AP4E1: variants seen among roughly 807,000 people sequenced by gnomAD.
The protein encoded by AP4E1 is adaptor related protein complex 4 subunit epsilon 1, also known as AP-4 complex subunit epsilon-1.
Under a neutral mutation model 128.2 loss-of-function variants are expected in AP4E1, and 56 were observed. The observed-to-expected ratio is 0.44, with a 90% CI of 0.35 to 0.55. AP4E1 has a LOEUF of 0.55. AP4E1 is among the 20% of genes least tolerant of loss of function. The pLI is 0.00. For missense variants in AP4E1, 1,324 were observed against 1,307.7 expected (o/e 1.01, Z -0.19); for synonymous variants, 484 against 473.1 (o/e 1.02, Z -0.30).
chr15:50,977,176 G>A (rs974448543), intron 15 of AP4E1, among the ~76,000 whole-genome samples: 28 of 152,164 alleles, frequency 1.8e-4, no homozygotes, highest in African/African-American at 6.8e-4. Flanking sequence ...GGTTTCCACA[G>A]TGGGAGGTAT....
chr15:50,982,491 T>C (rs2064657470), intron 15 of AP4E1, among the ~76,000 whole-genome samples: 2 of 152,216 alleles, frequency 1.3e-5, no homozygotes, highest in African/African-American at 4.8e-5. Context: ...TCTGAATCTC[T>C]GTAAGCTTGG....
intron 13 of AP4E1, among the ~76,000 whole-genome samples, chr15:50,952,213 C>G (rs1350174535): frequency 1.3e-5 from 2 of 151,856 alleles, no homozygotes; most frequent in Non-Finnish European, 2.9e-5. Context: ...GTTGTCATAC[C>G]CAAGAGGTGT....
intron 13 of AP4E1, 47 bp from the exon 14 acceptor site, chr15:50,958,445 G>T (rs989707231): frequency 5.9e-6 from 9 of 1,514,202 alleles, no homozygotes; most frequent in Admixed American, 3.5e-5. Flanking sequence ...ATAGTCTACT[G>T]TATAACTTGA....
chr15:50,941,703 T>G lies in AP4E1; in HGVS notation c.1104T>G (p.Pro368=). The part of the protein sequence containing the change: ...KALTYVIQQD[P]TLALQHQMTI... ...TTACCTATGTTATCCAACAGGATCC[T>G]ACTCTGGCTCTTCAACACCAGATGA... is the stretch of plus-strand genomic sequence containing the variant. The change falls in exon 10 of 21, where the codon CCT becomes CCG. Residue 368 remains proline, a synonymous_variant. Transcript: ENST00000261842. 6.2e-7 allele frequency: 1 copy of G among 1,613,798 alleles called. No individual in the cohort carries two copies.
At chr15:50,944,711 C>A in intron 10 of AP4E1, 1 of 501,602 alleles carries the variant, frequency 2.0e-6, no homozygotes, top group South Asian at 3.1e-5. Context: ...TCTGTGAAAC[C>A]AAGTTGGACT....
At chr15:50,957,510 A>G (rs957476702) in intron 13 of AP4E1, among the ~76,000 whole-genome samples, 3 of 151,990 alleles carry the variant, frequency 2.0e-5, no homozygotes, top group Non-Finnish European at 4.4e-5. Flanking sequence ...ATAAGTTCTC[A>G]CTTTGGGCCG....
chr15:50,924,675 C>T (rs1596460939), intron 4 of AP4E1, among the ~76,000 whole-genome samples: 1 of 152,040 alleles, frequency 6.6e-6, no homozygotes, highest in Non-Finnish European at 1.5e-5. Flanking sequence ...GTTTTATAGA[C>T]CATATGGATA....
chr15:50,932,273 C>T (rs545380661), intron 7 of AP4E1, among the ~76,000 whole-genome samples: 20 of 152,288 alleles, frequency 1.3e-4, no homozygotes, highest in South Asian at 4.1e-4. Flanking sequence ...GCCACCGCCC[C>T]GGCCTCAATT....
At chr15:50,919,889 C>A (rs2063675453) in intron 3 of AP4E1, among the ~76,000 whole-genome samples, 1 of 151,680 alleles carries the variant, frequency 6.6e-6, no homozygotes, top group Non-Finnish European at 1.5e-5. Flanking sequence ...CCAGCCTGGC[C>A]AGCATGGTGA....
At chr15:50,989,185 C>T (rs769069390) in intron 16 of AP4E1, among the ~76,000 whole-genome samples, 2 of 152,102 alleles carry the variant, frequency 1.3e-5, no homozygotes, top group Non-Finnish European at 2.9e-5. Context: ...AAGGAAATGG[C>T]TTTCTTGTTT....
rs2064986116 is a variant in AP4E1, at chr15:51,003,251, A to T, written c.*589A>T. On this transcript the variant is annotated 3_prime_UTR_variant, in exon 21 of 21. Transcript: ENST00000261842. The stretch of plus-strand genomic sequence containing the variant: ...GGATCCAATCTGTGATCTATTTTTT[A>T]TTATAGATAACTGTTACACATAATT... 6.5e-6 allele frequency: 1 copy of T among 152,874 alleles called. No homozygotes were observed. The highest frequency in any genetic ancestry group is 1.5e-5 in the Non-Finnish European group (1 of 68,272). 9.5% of individuals were successfully genotyped at this position (152,874 alleles called of 1,614,324 possible).
chr15:50,908,306 G>A (rs982808538), upstream of AP4E1, among the ~76,000 whole-genome samples: 1 of 152,142 alleles, frequency 6.6e-6, no homozygotes, highest in African/African-American at 2.4e-5. Context: ...GGAAGCGGGC[G>A]GGTGGCGCGC....
intron 15 of AP4E1, among the ~76,000 whole-genome samples, chr15:50,975,044 T>G (rs971851839): frequency 1.3e-5 from 2 of 152,190 alleles, no homozygotes; most frequent in Admixed American, 6.5e-5. Flanking sequence ...ACTTGTTTAT[T>G]TTTGTTATTA....
intron 1 of AP4E1, among the ~76,000 whole-genome samples, chr15:50,911,666 C>G (rs1377922334): frequency 6.6e-6 from 1 of 151,546 alleles, no homozygotes. Context: ...TTAGTAGGGA[C>G]GGGGTTTTGC....
chr15:50,983,770 G>C (rs1411324274), intron 15 of AP4E1, among the ~76,000 whole-genome samples: 3 of 151,970 alleles, frequency 2.0e-5, no homozygotes, highest in African/African-American at 7.2e-5. Context: ...AGCTTCCAAG[G>C]GAGGTAAAAA....
At chr15:50,943,963 G>GC (rs1443535337) in intron 10 of AP4E1, among the ~76,000 whole-genome samples, 2 of 152,114 alleles carry the variant, frequency 1.3e-5, no homozygotes, top group Admixed American at 1.3e-4. Flanking sequence ...GGTAACTGAA[G>GC]CCATGGGAAG....
At chr15:50,959,765 G>A (rs376441997) in intron 14 of AP4E1, among the ~76,000 whole-genome samples, 2 of 152,162 alleles carry the variant, frequency 1.3e-5, no homozygotes, top group East Asian at 3.8e-4. Flanking sequence ...AATGACAGTA[G>A]TAAGTCCTCA....
intron 13 of AP4E1, among the ~76,000 whole-genome samples, chr15:50,956,693 A>G (rs1396986525): frequency 1.3e-5 from 2 of 152,200 alleles, no homozygotes; most frequent in Non-Finnish European, 2.9e-5. Context: ...AACTGCCCCC[A>G]TGATTCAGTT....
rs562780050 is a variant in AP4E1, at chr15:50,980,017, A to G, written c.1967-4005A>G. ...AGGAAAATCTTAGATTGCCGTAAAC[A>G]TAATATTAAGGGCAGTTCTGATGAG... On this transcript the variant is annotated intron_variant, in intron 15 of 20. Coordinates refer to ENST00000261842, the MANE Select transcript of AP4E1 (RefSeq NM_007347.5). Among the ~76,000 whole-genome samples the G allele has an allele frequency of 1.3e-3, 204 of 152,356 alleles. 1 individual carries two copies. Among genetic ancestry groups the G allele is most frequent in the Admixed American group, 2.2e-3 (33 of 15,304 alleles).
Sources: gnomAD v4.1 joint callset for allele counts (sites outside exome capture counted in the v4.1 genomes callset) on GRCh38, gnomAD v4.1.1 for gene constraint, MANE v1.5 for transcripts, NCBI Gene and HGNC (gene_info 2026-07-23, HGNC 2026-07-21) for gene names.